RMDN2: variants seen among roughly 807,000 people sequenced by gnomAD.
The protein encoded by RMDN2 is regulator of microtubule dynamics protein 2.
Under a neutral mutation model 52.8 loss-of-function variants are expected in RMDN2, and 61 were observed. That is an observed-to-expected ratio of 1.16 (90% CI 0.94 to 1.43). RMDN2 has a LOEUF of 1.43. RMDN2 is among the 40% of genes most tolerant of loss of function. The pLI, the probability that RMDN2 is intolerant of heterozygous loss-of-function variation, is 0.00. For missense variants in RMDN2, 592 were observed against 475.3 expected, an observed-to-expected ratio of 1.25 and a Z score of -2.28; for synonymous variants, 180 against 153.1, an observed-to-expected ratio of 1.18 and a Z score of -1.30.
At chr2:37,960,001 G>A (rs907586989) in intron 2 of RMDN2, among the ~76,000 whole-genome samples, 3 of 152,156 alleles carry the variant, frequency 2.0e-5, no homozygotes, top group Admixed American at 6.5e-5. Context: ...TTACACTGTG[G>A]TCTGAGAGAC....
At chr2:38,005,354 C>A (rs1434935591) in intron 10 of RMDN2, among the ~76,000 whole-genome samples, 1 of 152,212 alleles carries the variant, frequency 6.6e-6, no homozygotes, top group East Asian at 1.9e-4. Flanking sequence ...CACATCCTCT[C>A]CAGCACCTGT....
At chr2:37,951,703 C>G in intron 2 of RMDN2, 1 of 1,612,572 alleles carries the variant, frequency 6.2e-7, no homozygotes, top group Non-Finnish European at 8.5e-7. Context: ...GAAATCTTTT[C>G]TAAAACTTCA....
At chr2:38,038,269 G>C (rs1022731053) in intron 10 of RMDN2, among the ~76,000 whole-genome samples, 3 of 152,142 alleles carry the variant, frequency 2.0e-5, no homozygotes, top group Non-Finnish European at 4.4e-5. Flanking sequence ...GGGCGCAAGG[G>C]GGACGCGTTC....
At chr2:37,946,475 C>G (rs1179936622) in intron 2 of RMDN2, among the ~76,000 whole-genome samples, 2 of 152,192 alleles carry the variant, frequency 1.3e-5, no homozygotes, top group African/African-American at 2.4e-5. Context: ...AGAATCTGCA[C>G]TAATGTGTTT....
chr2:38,066,606 A>C (rs1682291379), intron 10 of RMDN2, among the ~76,000 whole-genome samples: 1 of 152,158 alleles, frequency 6.6e-6, no homozygotes, highest in Non-Finnish European at 1.5e-5. Context: ...TTGAAGAAAC[A>C]ACCTCTGTGA....
At position 38,040,340 on chromosome 2, in the gene RMDN2, A is replaced by G. The variant is rs140562212; in HGVS notation, c.1714-26642A>G. On this transcript the variant is annotated intron_variant, in intron 10 of 10. Transcript: ENST00000234195. Reference sequence around the variant, plus strand: ...CCTAAAATTCACATGCTGGAACTTAATGCCCGATATGATGGTATTAAGAAG... The same window carrying G: ...CCTAAAATTCACATGCTGGAACTTAGTGCCCGATATGATGGTATTAAGAAG... 5.0e-3 allele frequency among the ~76,000 whole-genome samples: 765 copies of G among 152,256 alleles called. 5 individuals carry two copies. The highest frequency in any genetic ancestry group is 0.015 in the African/African-American group (607 of 41,552).
intron 10 of RMDN2, among the ~76,000 whole-genome samples, chr2:38,010,274 G>C (rs1677772186): frequency 6.6e-6 from 1 of 152,212 alleles, no homozygotes; most frequent in Non-Finnish European, 1.5e-5. Flanking sequence ...AGAGGATTCT[G>C]CTGCCTTTTG....
chr2:37,975,249 G>T lies in RMDN2; in HGVS notation c.665G>T (p.Arg222Leu). The T allele has an allele frequency of 3.7e-6, 6 of 1,611,002 alleles. No homozygotes were observed. The highest frequency in any genetic ancestry group is 5.1e-6 in the Non-Finnish European group (6 of 1,177,404). Residue 222 changes from arginine to leucine, a missense_variant, in exon 4 of 11, where the codon CGT becomes CTT. By Grantham distance (102) the Arg-to-Leu change is moderately radical (BLOSUM62 -2). Coordinates refer to ENST00000354545, the MANE Select transcript of RMDN2 (RefSeq NM_001170791.3). ...ATAGAGTTTATGTGGCGATTTGCTC[G>T]TGCTTATGGAGACATGTATGAACTA... ...DEIEFMWRFA[R>L]AYGDMYELST... is the part of the protein sequence containing the mutation.
At chr2:38,060,779 G>C (rs1022860972) in intron 10 of RMDN2, among the ~76,000 whole-genome samples, 7 of 152,190 alleles carry the variant, frequency 4.6e-5, no homozygotes, top group African/African-American at 1.7e-4. Flanking sequence ...GGGCTGTGGG[G>C]TTAAACAATA....
At chr2:38,005,993 G>A (rs999409325) in intron 10 of RMDN2, among the ~76,000 whole-genome samples, 1 of 152,138 alleles carries the variant, frequency 6.6e-6, no homozygotes, top group Non-Finnish European at 1.5e-5. Flanking sequence ...TGTCAGGTTT[G>A]TCAAAGATCA....
At position 38,015,563 on chromosome 2, in the gene RMDN2, CA is replaced by C. The variant is rs397984334; in HGVS notation, c.1180-1608del. On this transcript the variant is annotated intron_variant, in intron 10 of 10. Coordinates refer to ENST00000354545, the MANE Select transcript of RMDN2 (RefSeq NM_001170791.3). ...CTGGCAACAGAGCGAGACTCCGTCTCAAAAAAAAAAAAAAAGAAAAAAAAGG... is the reference window on the plus strand; with the variant it reads ...CTGGCAACAGAGCGAGACTCCGTCTCAAAAAAAAAAAAAAGAAAAAAAAGG... 6.4e-3 allele frequency among the ~76,000 whole-genome samples: 634 copies of C among 98,548 alleles called. 1 individual carries two copies. Among genetic ancestry groups the C allele is most frequent in the African/African-American group, 0.017 (460 of 26,850 alleles). The allele number at this position is 98,548 out of a possible 152,430, so 64.7% of individuals were successfully genotyped here.
chr2:37,963,554 C>G (rs1231243576), intron 2 of RMDN2, among the ~76,000 whole-genome samples: 2 of 152,278 alleles, frequency 1.3e-5, no homozygotes, highest in African/African-American at 4.8e-5. Context: ...ATCTGTTTAA[C>G]AAAGCACATC....
chr2:38,009,110 C>T lies in RMDN2; in HGVS notation c.1179+4894C>T, dbSNP rs575783812. ...GATGGGCTTCCCTTTATGGGTAACC[C>T]GTCCTTTCTCTCTGGCTGCCCTTAA... On this transcript the variant is annotated intron_variant, in intron 10 of 10. Transcript: ENST00000354545. Among the ~76,000 whole-genome samples the T allele has an allele frequency of 2.2e-4, 33 of 152,240 alleles. No individual in the cohort carries two copies. The East Asian group carries it at 6.2e-3, about 28-fold the overall frequency.
chr2:37,972,770 A>G (rs945429818), intron 2 of RMDN2, among the ~76,000 whole-genome samples: 2 of 152,208 alleles, frequency 1.3e-5, no homozygotes, highest in Admixed American at 6.5e-5. Flanking sequence ...TTTTGACGAT[A>G]GAACCAGCAG....
intron 10 of RMDN2, among the ~76,000 whole-genome samples, chr2:38,010,150 C>T (rs747298420): frequency 6.6e-6 from 1 of 152,186 alleles, no homozygotes; most frequent in Non-Finnish European, 1.5e-5. Flanking sequence ...TTAGGCTACT[C>T]AGGGGTCAGG....
chr2:38,039,460 G>A (rs1680820112), intron 10 of RMDN2: 1 of 152,204 alleles, frequency 6.6e-6, no homozygotes, highest in East Asian at 1.9e-4. Flanking sequence ...CACAGTCGCT[G>A]CTATCTACAG....
intron 4 of RMDN2, among the ~76,000 whole-genome samples, chr2:37,979,556 TA>T (rs1434809311): frequency 1.3e-5 from 2 of 152,236 alleles, no homozygotes; most frequent in East Asian, 3.8e-4. Context: ...TCAAAGTGAG[TA>T]TATCATTATG....
chr2:38,032,700 A>G (rs568332766), intron 10 of RMDN2, among the ~76,000 whole-genome samples: 76 of 152,268 alleles, frequency 5.0e-4, no homozygotes, highest in Non-Finnish European at 9.3e-4. Flanking sequence ...TTAGCCAGGC[A>G]TGATGGCGGG....
At chr2:38,066,001 C>T (rs181284710) in intron 10 of RMDN2, among the ~76,000 whole-genome samples, 10 of 152,220 alleles carry the variant, frequency 6.6e-5, no homozygotes, top group East Asian at 1.9e-4. Context: ...AAAAAATAGA[C>T]GGACTACCCT....
Sources: allele counts gnomAD v4.1 joint callset (sites outside exome capture counted in the v4.1 genomes callset), GRCh38; gene constraint gnomAD v4.1.1; transcripts MANE v1.5; gene names NCBI Gene and HGNC (gene_info 2026-07-23, HGNC 2026-07-21).